The following PAN3 variants were observed in gnomAD, a reference collection of about 807,000 sequenced individuals.
PAN3 encodes the protein poly(A) specific ribonuclease subunit PAN3.
PAN3 carries 19 observed loss-of-function variants against 96.2 expected under a neutral mutation model. That is an observed-to-expected ratio of 0.20 (90% CI 0.14 to 0.29). PAN3 has a LOEUF of 0.29. Ranked by LOEUF, PAN3 falls within the 10% of genes least tolerant of loss-of-function variation. The pLI, the probability that PAN3 is intolerant of heterozygous loss-of-function variation, is 1.00. For missense variants in PAN3, 882 were observed against 1,108.1 expected (o/e 0.80, Z 2.90); for synonymous variants, 433 against 406.6 (o/e 1.06, Z -0.78).
chr13:28,238,363 G>A (rs538505836), intron 6 of PAN3, among the ~76,000 whole-genome samples: 2 of 152,266 alleles, frequency 1.3e-5, no homozygotes, highest in African/African-American at 4.8e-5. Context: ...TTGAAAGGTT[G>A]GGAAAGTGAG....
intron 17 of PAN3, among the ~76,000 whole-genome samples, chr13:28,283,695 C>T (rs1017770366): frequency 6.6e-6 from 1 of 152,224 alleles, no homozygotes; most frequent in African/African-American, 2.4e-5. Context: ...TATGACCTGA[C>T]TTATTCCTCA....
intron 6 of PAN3, among the ~76,000 whole-genome samples, chr13:28,237,788 G>C (rs1453777722): frequency 7.9e-5 from 12 of 152,144 alleles, no homozygotes; most frequent in Admixed American, 7.9e-4. Context: ...GTGTACTCAT[G>C]TGTTCAAGTT....
chr13:28,181,661 A>G (rs1201512761), intron 4 of PAN3, among the ~76,000 whole-genome samples: 1 of 152,224 alleles, frequency 6.6e-6, no homozygotes, highest in East Asian at 1.9e-4. Context: ...ACTACTCATA[A>G]TGTGTCATGG....
At chr13:28,222,497 A>G (rs1222948547) in intron 6 of PAN3, among the ~76,000 whole-genome samples, 1 of 152,110 alleles carries the variant, frequency 6.6e-6, no homozygotes, top group African/African-American at 2.4e-5. Flanking sequence ...TCAGATGACA[A>G]CTCAGTTAAA....
chr13:28,251,078 T>A (rs1249215396), intron 6 of PAN3, among the ~76,000 whole-genome samples: 2 of 152,204 alleles, frequency 1.3e-5, no homozygotes, highest in Non-Finnish European at 2.9e-5. Flanking sequence ...TTTATCTACT[T>A]TGCTATTTAA....
chr13:28,171,247 C>T (rs1166677527), intron 1 of PAN3, among the ~76,000 whole-genome samples: 1 of 149,304 alleles, frequency 6.7e-6, no homozygotes, highest in Non-Finnish European at 1.5e-5. Flanking sequence ...GGTTATTACA[C>T]TAGAAAGGAA....
intron 4 of PAN3, among the ~76,000 whole-genome samples, chr13:28,196,235 A>C (rs1376137056): frequency 3.3e-5 from 5 of 152,126 alleles, no homozygotes; most frequent in African/African-American, 1.2e-4. Context: ...ACAATGAGTA[A>C]ACATATATTT....
intron 4 of PAN3, among the ~76,000 whole-genome samples, chr13:28,186,549 GT>G (rs1314994126): frequency 1.1e-5 from 1 of 92,850 alleles, no homozygotes; most frequent in Non-Finnish European, 2.6e-5. Context: ...CAATTTAAAA[GT>G]TTGTTTATCT....
intron 6 of PAN3, among the ~76,000 whole-genome samples, chr13:28,221,701 C>A (rs1326582572): frequency 1.3e-5 from 2 of 152,132 alleles, no homozygotes; most frequent in Admixed American, 1.3e-4. Flanking sequence ...TGTTCCCTTA[C>A]CTTTTCTTCT....
At chr13:28,198,908 A>G (rs1419401399) in intron 5 of PAN3, among the ~76,000 whole-genome samples, 1 of 152,244 alleles carries the variant, frequency 6.6e-6, no homozygotes, top group Non-Finnish European at 1.5e-5. Context: ...GCATAGGAAT[A>G]AATAAATTAT....
At chr13:28,139,841 T>G (rs1325427950) in intron 1 of PAN3, among the ~76,000 whole-genome samples, 1 of 152,092 alleles carries the variant, frequency 6.6e-6, no homozygotes, top group African/African-American at 2.4e-5. Flanking sequence ...AAACTCAGCA[T>G]TGTGTCTTGA....
intron 6 of PAN3, among the ~76,000 whole-genome samples, chr13:28,233,858 G>A (rs1054294390): frequency 1.3e-5 from 2 of 152,040 alleles, no homozygotes; most frequent in African/African-American, 4.8e-5. Context: ...TATTTCATCA[G>A]AAATTCTGTT....
At chr13:28,238,856 G>A (rs1489062681) in intron 6 of PAN3, among the ~76,000 whole-genome samples, 2 of 151,496 alleles carry the variant, frequency 1.3e-5, no homozygotes, top group South Asian at 2.1e-4. Context: ...AAATGGGAAT[G>A]TTCCCTTGTT....
At chr13:28,214,985 C>T (rs1880550333) in intron 5 of PAN3, 3 of 1,358,432 alleles carry the variant, frequency 2.2e-6, no homozygotes, top group Non-Finnish European at 3.1e-6. Flanking sequence ...AAATGGATTC[C>T]ACTGAGCCAA....
intron 5 of PAN3, among the ~76,000 whole-genome samples, chr13:28,203,183 A>G (rs1593465231): frequency 6.7e-6 from 1 of 149,092 alleles, no homozygotes; most frequent in South Asian, 2.1e-4. Context: ...CTGTTCTTGA[A>G]CTCCTGGCCT....
At chr13:28,201,330 C>T (rs922578592) in intron 5 of PAN3, among the ~76,000 whole-genome samples, 3 of 151,730 alleles carry the variant, frequency 2.0e-5, no homozygotes, top group Non-Finnish European at 4.4e-5. Flanking sequence ...AGGTGTGAGC[C>T]ACTGTACTGG....
intron 1 of PAN3, among the ~76,000 whole-genome samples, chr13:28,162,944 A>T (rs1020314088): frequency 6.6e-6 from 1 of 152,066 alleles, no homozygotes; most frequent in African/African-American, 2.4e-5. Flanking sequence ...ATAATTACAG[A>T]TACATACAGT....
intron 13 of PAN3, among the ~76,000 whole-genome samples, chr13:28,271,120 A>G (rs1017204606): frequency 4.6e-5 from 7 of 152,218 alleles, no homozygotes; most frequent in African/African-American, 1.7e-4. Context: ...GAATATAAAA[A>G]TAATATCAAT....
intron 6 of PAN3, among the ~76,000 whole-genome samples, chr13:28,225,199 A>G (rs1247752795): frequency 1.3e-5 from 2 of 152,122 alleles, no homozygotes; most frequent in Non-Finnish European, 2.9e-5. Flanking sequence ...TTTTAGCTTG[A>G]GAAATATGTG....
Sources: gnomAD v4.1 joint callset for allele counts (sites outside exome capture counted in the v4.1 genomes callset) on GRCh38, gnomAD v4.1.1 for gene constraint, MANE v1.5 for transcripts, NCBI Gene and HGNC (gene_info 2026-07-23, HGNC 2026-07-21) for gene names.